ADAM12: variants seen among roughly 807,000 people sequenced by gnomAD.
ADAM12 encodes ADAM metallopeptidase domain 12.
ADAM12 carries 70 observed loss-of-function variants against 106.4 expected under a neutral mutation model. That is an observed-to-expected ratio of 0.66 (90% CI 0.54 to 0.80). The LOEUF (loss-of-function observed/expected upper bound fraction) is 0.80. Ranked by LOEUF, ADAM12 falls within the 30% of genes least tolerant of loss-of-function variation. The pLI is 0.00. For missense variants in ADAM12, 1,010 were observed against 1,171.9 expected (o/e 0.86, Z 2.02); for synonymous variants, 420 against 433.5 (o/e 0.97, Z 0.39).
At chr10:126,359,477 T>C (rs1054731453) in intron 1 of ADAM12, among the ~76,000 whole-genome samples, 1 of 152,054 alleles carries the variant, frequency 6.6e-6, no homozygotes, top group Non-Finnish European at 1.5e-5. Context: ...CCATTCCAAA[T>C]GGGAGAAATT....
chr10:126,350,830 G>A (rs1056592392), intron 1 of ADAM12, among the ~76,000 whole-genome samples: 1 of 152,140 alleles, frequency 6.6e-6, no homozygotes, highest in Non-Finnish European at 1.5e-5. Context: ...CTCTGGCAGT[G>A]GGCAGAGCTC....
intron 1 of ADAM12, among the ~76,000 whole-genome samples, chr10:126,358,001 A>G (rs762758547): frequency 6.6e-6 from 1 of 152,150 alleles, no homozygotes; most frequent in Non-Finnish European, 1.5e-5. Context: ...CCTGATGCCA[A>G]AGGCAGACAA....
intron 1 of ADAM12, among the ~76,000 whole-genome samples, chr10:126,380,797 T>C (rs1856461328): frequency 6.6e-6 from 1 of 152,252 alleles, no homozygotes; most frequent in Non-Finnish European, 1.5e-5. Flanking sequence ...AGCTGCTTCA[T>C]ATAGCTCCCT....
intron 5 of ADAM12, among the ~76,000 whole-genome samples, chr10:126,121,501 T>C (rs1565074672): frequency 7.2e-6 from 1 of 138,448 alleles, no homozygotes; most frequent in African/African-American, 2.6e-5. Context: ...CAATATATAA[T>C]ATAATAGAAA....
intron 20 of ADAM12, among the ~76,000 whole-genome samples, chr10:126,037,076 C>T (rs1296299309): frequency 1.3e-5 from 2 of 152,102 alleles, no homozygotes; most frequent in Non-Finnish European, 2.9e-5. Context: ...TATCAGTTTG[C>T]ATTTGTCAGA....
At chr10:126,039,095 G>GACT (rs1374091632) in intron 19 of ADAM12, among the ~76,000 whole-genome samples, 199 bp downstream of exon 19, 2 of 151,624 alleles carry the variant, frequency 1.3e-5, no homozygotes, top group African/African-American at 4.9e-5. Context: ...GAGTAGATGG[G>GACT]ACTACAGGCA....
In ADAM12 at chr10:126,174,759, T is replaced by C. The variant is rs1260690313; in HGVS notation, c.261-19454A>G. Among the ~76,000 whole-genome samples the C allele has an allele frequency of 1.8e-5, 2 of 110,862 alleles. 1 individual carries two copies. Among genetic ancestry groups the C allele is most frequent in the African/African-American group, 6.1e-5 (2 of 32,810 alleles). The allele number at this position is 110,862 out of a possible 152,430, so 72.7% of individuals were successfully genotyped here. A position where few individuals can be genotyped will look rare whatever the true frequency, so the allele number is the denominator to read the frequency against. On this transcript the variant is annotated intron_variant, in intron 3 of 22. Coordinates refer to ENST00000448723, the MANE Select transcript of ADAM12 (RefSeq NM_001288973.2). ...GAGGACCACAGTCCTCACCCCCCCT[T>C]TTTTTTTTTTTGAGACTGAGTCTCA... is the stretch of plus-strand genomic sequence containing the variant.
intron 2 of ADAM12, among the ~76,000 whole-genome samples, chr10:126,285,237 G>A (rs1351043185): frequency 6.6e-6 from 1 of 152,206 alleles, no homozygotes; most frequent in African/African-American, 2.4e-5. Flanking sequence ...TAATTTGGAG[G>A]CAAGCTCTCC....
At chr10:126,156,231 T>A (rs1956812434) in intron 3 of ADAM12, among the ~76,000 whole-genome samples, 1 of 145,484 alleles carries the variant, frequency 6.9e-6, no homozygotes, top group Non-Finnish European at 1.5e-5. Flanking sequence ...GATCACAGAG[T>A]AGAAACAGAG....
chr10:126,280,520 C>G (rs956215492), intron 2 of ADAM12, among the ~76,000 whole-genome samples: 10 of 152,190 alleles, frequency 6.6e-5, no homozygotes, highest in Admixed American at 5.9e-4. Context: ...TAGAGCATTT[C>G]TATCATCATG....
At chr10:126,264,318 CT>C (rs1298566318) in intron 3 of ADAM12, among the ~76,000 whole-genome samples, 1 of 152,198 alleles carries the variant, frequency 6.6e-6, no homozygotes, top group African/African-American at 2.4e-5. Flanking sequence ...ACAAAATCCT[CT>C]AGGCCAGTTG....
chr10:126,371,794 C>T (rs191757458), intron 1 of ADAM12, among the ~76,000 whole-genome samples: 4 of 152,318 alleles, frequency 2.6e-5, no homozygotes, highest in Middle Eastern at 3.4e-3. Context: ...TGCCATTCTA[C>T]GCTTATCCTC....
At chr10:126,364,614 G>A (rs1299435741) in intron 1 of ADAM12, among the ~76,000 whole-genome samples, 4 of 152,170 alleles carry the variant, frequency 2.6e-5, no homozygotes, top group African/African-American at 9.6e-5. Context: ...ATAAATGAAT[G>A]GTATGCTGTT....
At chr10:126,308,298 T>C (rs532623203) in intron 2 of ADAM12, among the ~76,000 whole-genome samples, 2 of 152,346 alleles carry the variant, frequency 1.3e-5, no homozygotes, top group Admixed American at 6.5e-5. Flanking sequence ...GCAGGAAACA[T>C]GACATGGGAG....
chr10:126,327,914 C>T (rs776048288), intron 2 of ADAM12, among the ~76,000 whole-genome samples: 5 of 152,152 alleles, frequency 3.3e-5, no homozygotes, highest in Admixed American at 6.5e-5. Flanking sequence ...CTGTTGCTCC[C>T]GCATCACTCC....
At chr10:126,118,644 A>G (rs1956031512) in intron 5 of ADAM12, among the ~76,000 whole-genome samples, 1 of 152,236 alleles carries the variant, frequency 6.6e-6, no homozygotes, top group Non-Finnish European at 1.5e-5. Flanking sequence ...TCAGGGGTAC[A>G]GTAGCCTTTG....
rs191533287 is a variant in ADAM12 at position 126,191,544 on chromosome 10, G to C, written c.261-36239C>G. 1.2e-4 allele frequency among the ~76,000 whole-genome samples: 19 copies of C among 152,048 alleles called. No individual in the cohort carries two copies. The South Asian group carries it at 3.5e-3, about 28-fold the overall frequency. ...GTGTATAGAAGGAGATGGATCAGAG[G>C]GGGTGGGTAAGGAAAGAGAGGATTC... On this transcript the variant is annotated intron_variant, in intron 3 of 22. Coordinates refer to ENST00000448723, the MANE Select transcript of ADAM12 (RefSeq NM_001288973.2).
At chr10:126,025,902 A>G (rs1953863564) in intron 21 of ADAM12, among the ~76,000 whole-genome samples, 2 of 152,342 alleles carry the variant, frequency 1.3e-5, no homozygotes, top group South Asian at 2.1e-4. Context: ...AAGGGCAGCC[A>G]GAGAGAAAAA....
At chr10:126,258,417 C>A (rs535708117) in intron 3 of ADAM12, among the ~76,000 whole-genome samples, 1 of 151,878 alleles carries the variant, frequency 6.6e-6, no homozygotes, top group South Asian at 2.1e-4. Flanking sequence ...GTGCCCCACA[C>A]GCCCCACCAG....
Sources: gnomAD v4.1 joint callset for allele counts (sites outside exome capture counted in the v4.1 genomes callset) on GRCh38, gnomAD v4.1.1 for gene constraint, MANE v1.5 for transcripts, NCBI Gene and HGNC (gene_info 2026-07-23, HGNC 2026-07-21) for gene names.